OVCH1: variants seen among roughly 807,000 people sequenced by gnomAD.
OVCH1 encodes the protein ovochymase-1.
Under a neutral mutation model 138.4 loss-of-function variants are expected in OVCH1, and 139 were observed. The observed-to-expected ratio is 1.00, with a 90% CI of 0.87 to 1.16. The LOEUF (loss-of-function observed/expected upper bound fraction) is 1.16. Among genes scored for constraint, OVCH1 ranks in the 50% most tolerant of loss-of-function variants. OVCH1 has a pLI of 0.00. For synonymous variants in OVCH1, 453 were observed against 467.8 expected, an observed-to-expected ratio of 0.97 and a Z score of 0.41; for missense variants, 1,367 against 1,357.9, an observed-to-expected ratio of 1.01 and a Z score of -0.11.
chr12:29,425,443 A>G (rs1192069860), downstream of OVCH1, among the ~76,000 whole-genome samples: 1 of 152,198 alleles, frequency 6.6e-6, no homozygotes, highest in Non-Finnish European at 1.5e-5. Context: ...ATGACCTGGA[A>G]CTTATCAGCA....
In OVCH1 at chr12:29,417,791, G is replaced by GTGTGTC. The variant is rs1555140780; in HGVS notation, c.*72-5067_*72-5066insGACACA. On this transcript the variant is annotated intron_variant and NMD_transcript_variant, in intron 3 of 4. Transcript: ENST00000539117. Reference sequence around the variant, plus strand: ...TGTGTGTGTGTGTGTGTGTGTGTGTGTGTCTGTGTCTGTGTGTGTTTTAAG... The same window carrying GTGTGTC: ...TGTGTGTGTGTGTGTGTGTGTGTGTGTGTGTCTGTCTGTGTCTGTGTGTGTTTTAAG... Among the ~76,000 whole-genome samples, 990 of 139,464 alleles carry GTGTGTC rather than the reference G, an allele frequency of 7.1e-3. 13 individuals are homozygous for GTGTGTC. Among genetic ancestry groups the GTGTGTC allele is most frequent in the African/African-American group, 0.024 (940 of 39,818 alleles). The allele number at this position is 139,464 out of a possible 152,430, so 91.5% of individuals were successfully genotyped here. A position where few individuals can be genotyped will look rare whatever the true frequency, so the allele number is the denominator to read the frequency against.
intron 17 of OVCH1, 81 bp downstream of exon 17, chr12:29,465,066 C>T: frequency 8.4e-7 from 1 of 1,190,118 alleles, no homozygotes. Flanking sequence ...TAACTAATTA[C>T]ATATTTTAGC....
downstream of OVCH1, among the ~76,000 whole-genome samples, chr12:29,422,948 C>T (rs1941125433): frequency 6.6e-6 from 1 of 152,126 alleles, no homozygotes; most frequent in African/African-American, 2.4e-5. Context: ...ACTTTATTAC[C>T]TCAGATGATT....
intron 27 of OVCH1, among the ~76,000 whole-genome samples, chr12:29,430,020 C>T (rs1479063159): frequency 1.3e-5 from 2 of 152,200 alleles, no homozygotes; most frequent in African/African-American, 4.8e-5. Context: ...CATTAAGTCA[C>T]ACCACGTCTA....
chr12:29,412,358 G>A (rs1940971553), downstream of OVCH1: 1 of 153,066 alleles, frequency 6.5e-6, no homozygotes. Context: ...GCACTCCCTA[G>A]TGAGATGAAC....
In OVCH1 at chr12:29,476,971, A is replaced by T. The variant is rs1464316277; in HGVS notation, c.1377+131T>A. The T allele has an allele frequency of 9.0e-6, 8 of 888,074 alleles. No individual in the cohort carries two copies. In the Admixed American group the frequency reaches 2.6e-4, roughly 29 times the overall value. The allele number at this position is 888,074 out of a possible 1,614,324, so 55.0% of individuals were successfully genotyped here. ...ACTCACAGAGATTTCTTTTCAGAGT[A>T]AAAAAAAATGGCAAATGGCTAAAAG... On this transcript the variant is annotated intron_variant, in intron 12 of 27. Coordinates refer to ENST00000318184, the Ensembl canonical transcript of OVCH1.
chr12:29,462,013 T>C lies in OVCH1; in HGVS notation c.2126-5A>G. 6.2e-7 allele frequency: 1 copy of C among 1,610,656 alleles called. No individual in the cohort carries two copies. Among genetic ancestry groups the C allele is most frequent in the Non-Finnish European group, 8.5e-7 (1 of 1,177,268 alleles). On this transcript the variant is annotated splice_region_variant and splice_polypyrimidine_tract_variant and intron_variant, in intron 18 of 27. Transcript: ENST00000318184. ...GGCGACTTGCTAGGCCACCATCTAATGAAGAAACATTCAGAGAGAGCTCGA... is the reference window on the plus strand; with the variant it reads ...GGCGACTTGCTAGGCCACCATCTAACGAAGAAACATTCAGAGAGAGCTCGA...
In OVCH1 at chr12:29,443,348, G is replaced by A; in HGVS notation, c.3157+13C>T. 6.2e-7 allele frequency: 1 copy of A among 1,606,912 alleles called. No homozygotes were observed. The highest frequency in any genetic ancestry group is 8.5e-7 in the Non-Finnish European group (1 of 1,176,098). On this transcript the variant is annotated intron_variant, in intron 25 of 27. Coordinates refer to ENST00000318184, the Ensembl canonical transcript of OVCH1. ...AAAATCAGTAGCATAGAGATTCATG[G>A]GAAATCAGTTACCTATTAATTTTTT...
intron 22 of OVCH1, among the ~76,000 whole-genome samples, chr12:29,448,532 G>C (rs995746003): frequency 1.3e-5 from 2 of 152,044 alleles, no homozygotes; most frequent in Non-Finnish European, 2.9e-5. Flanking sequence ...CCCGAGGTAA[G>C]AATGAGAGGT....
intron 27 of OVCH1, among the ~76,000 whole-genome samples, chr12:29,432,454 A>G (rs1422362170): frequency 1.3e-5 from 2 of 152,102 alleles, no homozygotes; most frequent in African/African-American, 4.8e-5. Context: ...TAATTAGCAA[A>G]ATGGAGTTGC....
intron 27 of OVCH1, chr12:29,433,654 G>A (rs1941308069): frequency 4.8e-6 from 6 of 1,244,220 alleles, no homozygotes; most frequent in Non-Finnish European, 6.4e-6. Context: ...ATAGTGCCTG[G>A]CATATTCCTA....
chr12:29,489,254 G>T (rs991223580), intron 6 of OVCH1, among the ~76,000 whole-genome samples: 1 of 152,028 alleles, frequency 6.6e-6, no homozygotes, highest in Non-Finnish European at 1.5e-5. Context: ...AATATATTCT[G>T]CACCAAAGGA....
Position 29,451,515 on chromosome 12 carries a change from C to T in OVCH1, c.2585G>A (p.Arg862Gln), listed in dbSNP as rs376556844. The change falls in exon 22 of 28, where the codon CGG (arginine) becomes CAG (glutamine). Residue 862 changes from arginine (R) to glutamine (Q), a missense_variant. Physicochemically the swap from Arg to Gln is conservative, Grantham distance 43. Coordinates refer to ENST00000318184, the Ensembl canonical transcript of OVCH1. ...TCTTCCTCTATAATCCAGTAGATAC[C>T]GTGGTGTGGGAAAAAAGCCTCTAGG... The T allele has an allele frequency of 5.3e-5, 85 of 1,612,942 alleles. No homozygotes were observed. Among genetic ancestry groups the T allele is most frequent in the Middle Eastern group, 3.3e-4 (2 of 6,078 alleles).
At chr12:29,474,822 A>G (rs1942647133) in intron 14 of OVCH1, among the ~76,000 whole-genome samples, 1 of 152,058 alleles carries the variant, frequency 6.6e-6, no homozygotes, top group Non-Finnish European at 1.5e-5. Context: ...TGGAATCTTT[A>G]TGTTCCAGTG....
chr12:29,480,199 A>G (rs772535786), intron 8 of OVCH1, among the ~76,000 whole-genome samples: 1 of 152,086 alleles, frequency 6.6e-6, no homozygotes, highest in Non-Finnish European at 1.5e-5. Flanking sequence ...AAAATATTAT[A>G]AAGTTCACTT....
downstream of OVCH1, among the ~76,000 whole-genome samples, chr12:29,409,892 A>G (rs1661792528): frequency 6.6e-6 from 1 of 152,032 alleles, no homozygotes; most frequent in East Asian, 1.9e-4. Context: ...CGATCTGTCT[A>G]CTGTTGACAG....
chr12:29,428,173 C>T (rs770171581), intron 27 of OVCH1, among the ~76,000 whole-genome samples: 5 of 152,146 alleles, frequency 3.3e-5, no homozygotes, highest in South Asian at 2.1e-4. Flanking sequence ...ATACCACTCT[C>T]CTCCCTCTCT....
chr12:29,467,497 A>G (rs73069524), intron 16 of OVCH1, among the ~76,000 whole-genome samples: 1,996 of 152,202 alleles, frequency 0.013, 34 homozygotes, highest in Middle Eastern at 0.037. Flanking sequence ...CCTCTCCCAT[A>G]TAAAATTTCA....
chr12:29,484,883 G>A (rs1436057544), intron 8 of OVCH1, among the ~76,000 whole-genome samples, 83 bp from the exon 9 acceptor site: 1 of 152,114 alleles, frequency 6.6e-6, no homozygotes, highest in Non-Finnish European at 1.5e-5. Flanking sequence ...GTCTGAAGCT[G>A]TACGATTTAT....
Sources: allele counts gnomAD v4.1 joint callset (sites outside exome capture counted in the v4.1 genomes callset), GRCh38; gene constraint gnomAD v4.1.1; transcripts MANE v1.5; gene names NCBI Gene and HGNC (gene_info 2026-07-23, HGNC 2026-07-21).